The following DYNC1I1 variants were observed in gnomAD, a reference collection of about 807,000 sequenced individuals.
The protein encoded by DYNC1I1 is dynein cytoplasmic 1 intermediate chain 1.
DYNC1I1 carries 43 observed loss-of-function variants against 86.6 expected under a neutral mutation model. That is an observed-to-expected ratio of 0.50 (90% CI 0.39 to 0.64). DYNC1I1 has a LOEUF of 0.64. Ranked by LOEUF, DYNC1I1 falls within the 30% of genes least tolerant of loss-of-function variation. The probability of loss-of-function intolerance (pLI) is 0.00; values close to 1 mark genes in which losing one functional copy is unlikely to be tolerated. For missense variants in DYNC1I1, 604 were observed against 788.8 expected (o/e 0.77, Z 2.81); for synonymous variants, 262 against 283.7 (o/e 0.92, Z 0.77).
At chr7:96,002,840 G>GT (rs113074279) in intron 10 of DYNC1I1, among the ~76,000 whole-genome samples, 325 of 150,056 alleles carry the variant, frequency 2.2e-3, no homozygotes, top group African/African-American at 6.2e-3. Flanking sequence ...TTTTTTTTGT[G>GT]TTTTTTTTGT....
chr7:95,781,357 A>G (rs545257156), intron 1 of DYNC1I1, among the ~76,000 whole-genome samples: 2 of 152,366 alleles, frequency 1.3e-5, no homozygotes, highest in South Asian at 4.1e-4. Context: ...ATTTAAAGCC[A>G]GGGGAACTGT....
chr7:95,783,900 T>C (rs1001908696), intron 1 of DYNC1I1, among the ~76,000 whole-genome samples: 5 of 152,246 alleles, frequency 3.3e-5, no homozygotes, highest in African/African-American at 4.8e-5. Flanking sequence ...TAATAGTATC[T>C]ACTTCCTAGT....
intron 5 of DYNC1I1, among the ~76,000 whole-genome samples, chr7:95,850,783 T>C (rs1451629161): frequency 6.6e-6 from 1 of 152,200 alleles, no homozygotes; most frequent in East Asian, 1.9e-4. Context: ...CACCATGTGA[T>C]TTTTCTTCTT....
chr7:96,017,254 T>G lies in DYNC1I1; in HGVS notation c.970-10921T>G, dbSNP rs554199190. Among the ~76,000 whole-genome samples, 22 of 152,314 alleles carry G rather than the reference T, an allele frequency of 1.4e-4. No individual in the cohort carries two copies. In the South Asian group the frequency reaches 3.5e-3, roughly 24 times the overall value. ...ATTTGATTTAAAGAAAACTGTTGCTTTTTAACATACAAAGGCAACCATATA... is the reference window on the plus strand; with the variant it reads ...ATTTGATTTAAAGAAAACTGTTGCTGTTTAACATACAAAGGCAACCATATA... On this transcript the variant is annotated intron_variant, in intron 10 of 16. Coordinates refer to ENST00000447467, the MANE Select transcript of DYNC1I1 (RefSeq NM_001135556.2).
At chr7:96,013,728 G>A (rs1794334410) in intron 10 of DYNC1I1, among the ~76,000 whole-genome samples, 1 of 152,098 alleles carries the variant, frequency 6.6e-6, no homozygotes, top group Non-Finnish European at 1.5e-5. Context: ...CAAAGTGCTG[G>A]GATTAGCAGG....
In DYNC1I1 at chr7:96,028,212, C is replaced by T; in HGVS notation, c.1007C>T (p.Pro336Leu). 1 of 1,613,890 alleles carries T rather than the reference C, an allele frequency of 6.2e-7. No individual in the cohort carries two copies. The highest frequency in any genetic ancestry group is 1.1e-5 in the South Asian group (1 of 91,056). Residue 336 changes from proline to leucine, a missense_variant, in exon 11 of 17, where the codon CCT becomes CTT. Transcript: ENST00000447467. ...TCGGTCTGCTTCGCCCGTTTCCATC[C>T]TAACTTGGTGGTTGGTGGGACTTAC... ...VMSVCFARFH[P>L]NLVVGGTYSG...
chr7:95,801,621 G>T (rs535963238), intron 1 of DYNC1I1, among the ~76,000 whole-genome samples: 8 of 152,286 alleles, frequency 5.3e-5, no homozygotes, highest in African/African-American at 1.9e-4. Flanking sequence ...GCTGCTTTCA[G>T]CTTAGAATGA....
intron 6 of DYNC1I1, among the ~76,000 whole-genome samples, chr7:95,902,759 C>T (rs1230536489): frequency 6.6e-6 from 1 of 152,116 alleles, no homozygotes; most frequent in East Asian, 1.9e-4. Context: ...ATGAAATATT[C>T]CAAGTGCTTT....
At chr7:95,997,775 T>C (rs573896012) in intron 10 of DYNC1I1, among the ~76,000 whole-genome samples, 2 of 152,262 alleles carry the variant, frequency 1.3e-5, no homozygotes, top group African/African-American at 4.8e-5. Context: ...AAGATAGTCA[T>C]ACCAGAGTTA....
chr7:96,049,728 T>C (rs544165354), intron 14 of DYNC1I1, among the ~76,000 whole-genome samples: 1 of 152,212 alleles, frequency 6.6e-6, no homozygotes, highest in African/African-American at 2.4e-5. Context: ...TATAATACTT[T>C]GTTGATAAAA....
chr7:96,074,195 A>G (rs558369325), intron 14 of DYNC1I1, among the ~76,000 whole-genome samples: 5 of 152,374 alleles, frequency 3.3e-5, no homozygotes, highest in Non-Finnish European at 5.9e-5. Context: ...AAAATAAGAC[A>G]CATCTCACTA....
chr7:96,032,927 C>T, intron 12 of DYNC1I1, 147 bp downstream of exon 12: 1 of 632,736 alleles, frequency 1.6e-6, no homozygotes, highest in African/African-American at 1.8e-5. Flanking sequence ...CTGCTTTCAG[C>T]AATCTTCTCT....
At chr7:95,928,704 G>T (rs1317161437) in intron 6 of DYNC1I1, among the ~76,000 whole-genome samples, 1 of 152,158 alleles carries the variant, frequency 6.6e-6, no homozygotes, top group Non-Finnish European at 1.5e-5. Context: ...GCTTTTAAAA[G>T]ACTTTTTACT....
At position 96,097,805 on chromosome 7, in the gene DYNC1I1, A is replaced by C; in HGVS notation, c.*212A>C. The C allele has an allele frequency of 7.8e-7, 1 of 1,284,830 alleles. No individual in the cohort carries two copies. The highest frequency in any genetic ancestry group is 9.9e-7 in the Non-Finnish European group (1 of 1,012,742). The allele number at this position is 1,284,830 out of a possible 1,614,324, so 79.6% of individuals were successfully genotyped here. A position where few individuals can be genotyped will look rare whatever the true frequency, so the allele number is the denominator to read the frequency against. On this transcript the variant is annotated 3_prime_UTR_variant, in exon 17 of 17. Coordinates refer to ENST00000447467, the MANE Select transcript of DYNC1I1 (RefSeq NM_001135556.2). ...TTCACCACAGCATTTCTATCTTTAT[A>C]TTTCTGTCTCAAAAATGAAGAGAAG...
intron 10 of DYNC1I1, among the ~76,000 whole-genome samples, chr7:96,020,239 C>A (rs567248194): frequency 6.6e-6 from 1 of 151,976 alleles, no homozygotes; most frequent in South Asian, 2.1e-4. Context: ...AAAACATACC[C>A]GAGACTGGGA....
chr7:95,783,559 G>A (rs80262868), intron 1 of DYNC1I1, among the ~76,000 whole-genome samples: 4,667 of 152,262 alleles, frequency 0.031, 258 homozygotes, highest in African/African-American at 0.11. Context: ...ATGCCTCAGA[G>A]ATATAACAAA....
intron 6 of DYNC1I1, among the ~76,000 whole-genome samples, chr7:95,898,926 A>G (rs1029668463): frequency 6.6e-6 from 1 of 152,228 alleles, no homozygotes; most frequent in Admixed American, 6.5e-5. Context: ...ACAACAACCT[A>G]TCCTATAAAC....
chr7:96,005,819 A>C lies in DYNC1I1; in HGVS notation c.969+9746A>C, dbSNP rs550879888. ...ACAAAGATTCTACAAAAATAGAATCAGAAGTTTTCAAAACGCCGTTGCTAG... is the reference window on the plus strand; with the variant it reads ...ACAAAGATTCTACAAAAATAGAATCCGAAGTTTTCAAAACGCCGTTGCTAG... On this transcript the variant is annotated intron_variant, in intron 10 of 16. Transcript: ENST00000447467. 2.1e-4 allele frequency among the ~76,000 whole-genome samples: 32 copies of C among 152,352 alleles called. No homozygotes were observed. In the South Asian group the frequency reaches 6.2e-3, roughly 30 times the overall value.
At chr7:95,949,145 G>A (rs77323423) in intron 6 of DYNC1I1, among the ~76,000 whole-genome samples, 10,129 of 152,200 alleles carry the variant, frequency 0.067, 662 homozygotes, top group African/African-American at 0.16. Context: ...AAATTAAGGA[G>A]GGTGGTCGAA....
Sources: allele counts gnomAD v4.1 joint callset (sites outside exome capture counted in the v4.1 genomes callset), GRCh38; gene constraint gnomAD v4.1.1; transcripts MANE v1.5; gene names NCBI Gene and HGNC (gene_info 2026-07-23, HGNC 2026-07-21).